RHBDD1: variants seen among roughly 807,000 people sequenced by gnomAD.
RHBDD1 encodes the protein rhomboid domain containing 1.
Under a neutral mutation model 36.3 loss-of-function variants are expected in RHBDD1, and 38 were observed. That is an observed-to-expected ratio of 1.05 (90% CI 0.81 to 1.37). The LOEUF (loss-of-function observed/expected upper bound fraction) is 1.37, where lower values mean the gene tolerates loss of function less well. RHBDD1 is among the 40% of genes most tolerant of loss of function. The probability of loss-of-function intolerance (pLI) is 0.00; values close to 1 mark genes in which losing one functional copy is unlikely to be tolerated. For missense variants in RHBDD1, 393 were observed against 377.6 expected (o/e 1.04, Z -0.34); for synonymous variants, 151 against 136.5 (o/e 1.11, Z -0.74).
intron 3 of RHBDD1, among the ~76,000 whole-genome samples, chr2:226,857,625 A>G (rs533234907): frequency 1.3e-5 from 2 of 152,358 alleles, no homozygotes; most frequent in African/African-American, 2.4e-5. Flanking sequence ...GATAATTGCT[A>G]CAACATGGAT....
chr2:226,937,365 A>G (rs577222924), intron 8 of RHBDD1, among the ~76,000 whole-genome samples: 2 of 152,262 alleles, frequency 1.3e-5, no homozygotes, highest in East Asian at 3.9e-4. Flanking sequence ...TATAAACTCA[A>G]TAGTTGATAT....
intron 5 of RHBDD1, among the ~76,000 whole-genome samples, chr2:226,898,746 C>T (rs1373107072): frequency 6.6e-6 from 1 of 152,202 alleles, no homozygotes. Flanking sequence ...ATTGCTAGTA[C>T]TGCGAATCTG....
intron 4 of RHBDD1, among the ~76,000 whole-genome samples, chr2:226,866,914 A>G (rs1456665557): frequency 6.6e-6 from 1 of 152,206 alleles, no homozygotes; most frequent in East Asian, 1.9e-4. Flanking sequence ...TTTAATACTA[A>G]TAATAGTATT....
At chr2:226,837,919 CTTATCT>C (rs972612773) in intron 1 of RHBDD1, 148 bp from the exon 2 acceptor site, 1 of 152,176 alleles carries the variant, frequency 6.6e-6, no homozygotes, top group African/African-American at 2.4e-5. Context: ...TGTTTCTGTC[CTTATCT>C]TTGTTTCCCA....
intron 3 of RHBDD1, among the ~76,000 whole-genome samples, chr2:226,863,726 CT>C (rs1345477410): frequency 6.6e-6 from 1 of 152,196 alleles, no homozygotes; most frequent in Non-Finnish European, 1.5e-5. Context: ...TATAAATCAT[CT>C]TGAGGTATAG....
the RHBDD1 span, among the ~76,000 whole-genome samples, chr2:226,814,072 T>C: frequency 6.6e-6 from 1 of 152,214 alleles, no homozygotes; most frequent in Non-Finnish European, 1.5e-5. Flanking sequence ...GTGATAAATA[T>C]GAGTTCTATA....
At chr2:226,825,846 T>A in the RHBDD1 span, among the ~76,000 whole-genome samples, 1 of 152,228 alleles carries the variant, frequency 6.6e-6, no homozygotes, top group Non-Finnish European at 1.5e-5. Flanking sequence ...TCTCCTCATT[T>A]GTAAAATGGA....
At chr2:226,943,302 A>G (rs982505222) in intron 8 of RHBDD1, among the ~76,000 whole-genome samples, 1 of 152,218 alleles carries the variant, frequency 6.6e-6, no homozygotes, top group Non-Finnish European at 1.5e-5. Flanking sequence ...ACTGATTAAA[A>G]TTACACTCTA....
At chr2:226,874,799 C>CTT (rs1385954041) in intron 5 of RHBDD1, among the ~76,000 whole-genome samples, 1 of 152,146 alleles carries the variant, frequency 6.6e-6, no homozygotes, top group Non-Finnish European at 1.5e-5. Flanking sequence ...ATTATTCAGC[C>CTT]TACTACAGCA....
intron 8 of RHBDD1, among the ~76,000 whole-genome samples, chr2:226,968,242 G>A (rs1210760354): frequency 6.6e-6 from 1 of 152,162 alleles, no homozygotes; most frequent in African/African-American, 2.4e-5. Context: ...GGTTCAACCA[G>A]GAGACAAAAC....
At chr2:226,816,144 C>G in the RHBDD1 span, among the ~76,000 whole-genome samples, 1 of 152,176 alleles carries the variant, frequency 6.6e-6, no homozygotes, top group South Asian at 2.1e-4. Flanking sequence ...ATGTCAGGAG[C>G]TGATGTTCTT....
At position 226,960,417 on chromosome 2, in the gene RHBDD1, T is replaced by C. The variant is rs552019285; in HGVS notation, c.857-35014T>C. 3.9e-5 allele frequency among the ~76,000 whole-genome samples: 6 copies of C among 152,362 alleles called. No individual in the cohort carries two copies. In the South Asian group the frequency reaches 1.2e-3, roughly 32 times the overall value. On this transcript the variant is annotated intron_variant, in intron 8 of 8. Coordinates refer to ENST00000392062, the MANE Select transcript of RHBDD1 (RefSeq NM_001167608.3). ...CTGTGCATAAGAGAATTTCACTCTTTTAACTGATTGCATTGGAATGCTGAC... is the reference window on the plus strand; with the variant it reads ...CTGTGCATAAGAGAATTTCACTCTTCTAACTGATTGCATTGGAATGCTGAC...
chr2:226,898,552 G>A lies in RHBDD1; in HGVS notation c.567-8241G>A, dbSNP rs566776063. The stretch of plus-strand genomic sequence containing the variant: ...CTGAGGACAAAGGTGCAGGGAGCAA[G>A]GGATGCATGGTAGAGAGCATGTAGA... On this transcript the variant is annotated intron_variant, in intron 5 of 8. Transcript: ENST00000392062. Among the ~76,000 whole-genome samples, 3 of 152,306 alleles carry A rather than the reference G, an allele frequency of 2.0e-5. No homozygotes were observed. The East Asian group carries it at 5.8e-4, about 29-fold the overall frequency.
At chr2:226,941,125 GTTGT>G (rs749216413) in intron 8 of RHBDD1, among the ~76,000 whole-genome samples, 8 of 151,826 alleles carry the variant, frequency 5.3e-5, no homozygotes, top group South Asian at 2.1e-4. Flanking sequence ...CTTTTTTGTT[GTTGT>G]TTGTTTGTTT....
chr2:226,812,868 G>A, the RHBDD1 span, among the ~76,000 whole-genome samples: 10 of 152,172 alleles, frequency 6.6e-5, 1 homozygote, highest in Admixed American at 6.5e-4. Flanking sequence ...AAACCTTAGA[G>A]ATGTATACAT....
At chr2:226,884,120 A>T (rs1946018032) in intron 5 of RHBDD1, among the ~76,000 whole-genome samples, 1 of 152,194 alleles carries the variant, frequency 6.6e-6, no homozygotes, top group East Asian at 1.9e-4. Context: ...TAATGTGTTT[A>T]CTTAATTCTT....
intron 8 of RHBDD1, among the ~76,000 whole-genome samples, chr2:226,941,193 C>T (rs1487530985): frequency 4.6e-5 from 7 of 152,040 alleles, no homozygotes; most frequent in Admixed American, 3.9e-4. Context: ...CTCAAACTCC[C>T]GATCTCAGGT....
At chr2:226,957,009 C>T (rs1951829788) in intron 8 of RHBDD1, among the ~76,000 whole-genome samples, 1 of 152,202 alleles carries the variant, frequency 6.6e-6, no homozygotes, top group Admixed American at 6.5e-5. Flanking sequence ...GATTGGTGGT[C>T]TCAATGAGGT....
intron 5 of RHBDD1, among the ~76,000 whole-genome samples, chr2:226,878,232 A>G (rs4675109): frequency 0.24 from 36,204 of 151,180 alleles, 8,058 homozygotes; most frequent in African/African-American, 0.59. Context: ...AAGCAGTAGA[A>G]TATGTACAAT....
Sources: gnomAD v4.1 joint callset for allele counts (sites outside exome capture counted in the v4.1 genomes callset) on GRCh38, gnomAD v4.1.1 for gene constraint, MANE v1.5 for transcripts, NCBI Gene and HGNC (gene_info 2026-07-23, HGNC 2026-07-21) for gene names.